The following DCHS2 variants were observed in gnomAD, a reference collection of about 807,000 sequenced individuals.
DCHS2 encodes the protein dachsous cadherin-related 2.
Under a neutral mutation model 182.4 loss-of-function variants are expected in DCHS2, and 142 were observed. That is an observed-to-expected ratio of 0.78 (90% CI 0.68 to 0.89). The LOEUF (loss-of-function observed/expected upper bound fraction) is 0.89. DCHS2 is among the 40% of genes least tolerant of loss of function. The pLI, the probability that DCHS2 is intolerant of heterozygous loss-of-function variation, is 0.00. For synonymous variants in DCHS2, 1,740 were observed against 1,663.3 expected, an observed-to-expected ratio of 1.05 and a Z score of -1.12; for missense variants, 4,319 against 4,198.6, an observed-to-expected ratio of 1.03 and a Z score of -0.79.
At chr4:154,261,274 AGAGTGGCTGT>A (rs1038922873) in intron 14 of DCHS2, among the ~76,000 whole-genome samples, 5 of 152,242 alleles carry the variant, frequency 3.3e-5, no homozygotes, top group African/African-American at 1.2e-4. Flanking sequence ...ATGACTTCAA[AGAGTGGCTGT>A]GAGGAGCAAG....
At position 154,384,588 on chromosome 4, in the gene DCHS2, C is replaced by G. The variant is rs1199028962; in HGVS notation, c.2053-7144G>C. ...GAGTACTACCTTATATGGCAACAGA[C>G]ATGATTAAGTTGAGGATTTTGAGAG... On this transcript the variant is annotated intron_variant, in intron 1 of 19. Coordinates refer to ENST00000357232, the MANE Select transcript of DCHS2 (RefSeq NM_001358235.2). 14 of 1,462,754 alleles carry G rather than the reference C, an allele frequency of 9.6e-6. No individual in the cohort carries two copies. The East Asian group carries it at 3.3e-4, about 35-fold the overall frequency. 90.6% of individuals were successfully genotyped at this position (1,462,754 alleles called of 1,614,324 possible).
rs183169178 is a variant in DCHS2, at chr4:154,488,369, A to G, written c.2052+935T>C. Among the ~76,000 whole-genome samples the G allele has an allele frequency of 1.1e-3, 165 of 152,218 alleles. 1 individual carries two copies. The highest frequency in any genetic ancestry group is 3.9e-3 in the African/African-American group (162 of 41,532). ...ATAATTGAGTCCCACTGCCCCTCAG[A>G]GTCCTGAAAGCATCATGGAAGAAGC... On this transcript the variant is annotated intron_variant, in intron 1 of 19. Coordinates refer to ENST00000357232, the MANE Select transcript of DCHS2 (RefSeq NM_001358235.2).
Position 154,305,110 on chromosome 4 carries a change from G to T in DCHS2, c.5382C>A (p.Val1794=). The change falls in exon 11 of 20, where the codon GTC becomes GTA. Residue 1794 remains valine (V), a synonymous_variant. Transcript: ENST00000357232. ...AGAATCCCTTACCTCGAAGGGTGAA[G>T]ACTTCTTGAATTTCTCTGTCAAGTA... ...TTILDREIQE[V]FTLRVLVRDG... The T allele has an allele frequency of 6.2e-7, 1 of 1,609,610 alleles. No individual in the cohort carries two copies. The highest frequency in any genetic ancestry group is 8.5e-7 in the Non-Finnish European group (1 of 1,178,826).
At chr4:154,271,306 T>A (rs570144173) in intron 13 of DCHS2, among the ~76,000 whole-genome samples, 1 of 152,296 alleles carries the variant, frequency 6.6e-6, no homozygotes, top group East Asian at 1.9e-4. Flanking sequence ...TTAATTATTT[T>A]AGGCTTTACA....
At chr4:154,396,337 C>G (rs1391359731) in intron 1 of DCHS2, among the ~76,000 whole-genome samples, 1 of 152,076 alleles carries the variant, frequency 6.6e-6, no homozygotes, top group Non-Finnish European at 1.5e-5. Context: ...TTTCTGATGT[C>G]TGCCACATGG....
At position 154,491,529 on chromosome 4, in the gene DCHS2, C is replaced by T. The variant is rs1728837615; in HGVS notation, c.-174G>A. 2.1e-6 allele frequency: 3 copies of T among 1,397,106 alleles called. No homozygotes were observed. Among genetic ancestry groups the T allele is most frequent in the African/African-American group, 1.5e-5 (1 of 68,350 alleles). The allele number at this position is 1,397,106 out of a possible 1,614,324, so 86.5% of individuals were successfully genotyped here. A position where few individuals can be genotyped will look rare whatever the true frequency, so the allele number is the denominator to read the frequency against. On this transcript the variant is annotated 5_prime_UTR_variant, in exon 1 of 20. Transcript: ENST00000357232. ...TACATCTGCAACTGGTGAAAGCGTCCTCTGCCTGCAGCTCACGCAGACAGG... is the reference window on the plus strand; with the variant it reads ...TACATCTGCAACTGGTGAAAGCGTCTTCTGCCTGCAGCTCACGCAGACAGG...
chr4:154,482,822 A>T (rs1452665607), intron 1 of DCHS2, among the ~76,000 whole-genome samples: 1 of 152,310 alleles, frequency 6.6e-6, no homozygotes, highest in African/African-American at 2.4e-5. Context: ...GTGCATTTAC[A>T]GAAAGCCTCA....
intron 1 of DCHS2, among the ~76,000 whole-genome samples, chr4:154,431,954 T>C (rs1029452778): frequency 6.6e-6 from 1 of 152,228 alleles, no homozygotes; most frequent in Non-Finnish European, 1.5e-5. Context: ...CCTGGATACA[T>C]ATTTTTGTTT....
intron 10 of DCHS2, among the ~76,000 whole-genome samples, chr4:154,307,758 T>C (rs147664448): frequency 4.1e-4 from 62 of 152,284 alleles, no homozygotes; most frequent in African/African-American, 1.4e-3. Context: ...TGCAGTGCTG[T>C]TGTATCTGGC....
intron 3 of DCHS2, among the ~76,000 whole-genome samples, chr4:154,343,839 A>G (rs1339939904): frequency 1.3e-5 from 2 of 152,250 alleles, no homozygotes; most frequent in South Asian, 4.1e-4. Context: ...TACATTCACA[A>G]TTCGGATAAC....
intron 3 of DCHS2, among the ~76,000 whole-genome samples, chr4:154,348,187 G>A (rs767120943): frequency 6.6e-6 from 1 of 151,848 alleles, no homozygotes; most frequent in Non-Finnish European, 1.5e-5. Context: ...TTTGTCATTT[G>A]AAACACTGAT....
At chr4:154,453,394 A>AT (rs1393241865) in intron 1 of DCHS2, among the ~76,000 whole-genome samples, 2 of 151,776 alleles carry the variant, frequency 1.3e-5, no homozygotes, top group African/African-American at 2.4e-5. Context: ...AATCATAAAG[A>AT]TTTTTTTCAC....
intron 1 of DCHS2, among the ~76,000 whole-genome samples, chr4:154,489,036 C>A (rs1158821108): frequency 6.6e-6 from 1 of 151,810 alleles, no homozygotes; most frequent in Non-Finnish European, 1.5e-5. Context: ...ATACATCCAG[C>A]AGGAAAGAAA....
intron 13 of DCHS2, among the ~76,000 whole-genome samples, chr4:154,293,190 T>C (rs1007285444): frequency 7.0e-6 from 1 of 142,670 alleles, no homozygotes; most frequent in African/African-American, 2.7e-5. Flanking sequence ...AAGGGGTGGA[T>C]ATCCAGGTAT....
chr4:154,257,124 C>T (rs1329623932), intron 15 of DCHS2, among the ~76,000 whole-genome samples: 1 of 152,082 alleles, frequency 6.6e-6, no homozygotes, highest in East Asian at 1.9e-4. Flanking sequence ...GGCATACGCC[C>T]ATAGTCCCAG....
At chr4:154,444,814 C>G (rs1031007895) in intron 1 of DCHS2, among the ~76,000 whole-genome samples, 1 of 152,204 alleles carries the variant, frequency 6.6e-6, no homozygotes, top group Non-Finnish European at 1.5e-5. Flanking sequence ...TGGCCCCTGA[C>G]CATCTCTCCA....
chr4:154,277,630 C>CAA (rs35543228), intron 13 of DCHS2, among the ~76,000 whole-genome samples: 42 of 102,508 alleles, frequency 4.1e-4, no homozygotes, highest in African/African-American at 1.3e-3. Context: ...GAAATCACAC[C>CAA]AAAAAAAAAA....
At chr4:154,255,409 T>TAACA in intron 16 of DCHS2, 110 bp downstream of exon 16, 1 of 1,390,524 alleles carries the variant, frequency 7.2e-7, no homozygotes, top group Non-Finnish European at 9.5e-7. Flanking sequence ...ATCAAAGGGA[T>TAACA]AACACATTTT....
chr4:154,374,231 A>G (rs1004647716), intron 2 of DCHS2: 67 of 400,224 alleles, frequency 1.7e-4, no homozygotes, highest in Admixed American at 8.9e-4. Context: ...TGTGTCCTGC[A>G]TCTGGCCACC....
Sources: gnomAD v4.1 joint callset for allele counts (sites outside exome capture counted in the v4.1 genomes callset) on GRCh38, gnomAD v4.1.1 for gene constraint, MANE v1.5 for transcripts, NCBI Gene and HGNC (gene_info 2026-07-23, HGNC 2026-07-21) for gene names.